EEFSEC: variants seen among roughly 807,000 people sequenced by gnomAD.
The protein encoded by EEFSEC is eukaryotic elongation factor, selenocysteine-tRNA specific.
EEFSEC carries 43 observed loss-of-function variants against 42.1 expected under a neutral mutation model. That is an observed-to-expected ratio of 1.02 (90% CI 0.80 to 1.32). EEFSEC has a LOEUF of 1.32. Ranked by LOEUF, EEFSEC falls within the 40% of genes most tolerant of loss-of-function variation. The probability of loss-of-function intolerance (pLI) is 0.00; values close to 1 mark genes in which losing one functional copy is unlikely to be tolerated. For synonymous variants in EEFSEC, 354 were observed against 339.1 expected (o/e 1.04, Z -0.48); for missense variants, 745 against 803.6 (o/e 0.93, Z 0.88).
At chr3:128,363,514 GC>G (rs1177364157) in intron 6 of EEFSEC, among the ~76,000 whole-genome samples, 1 of 152,188 alleles carries the variant, frequency 6.6e-6, no homozygotes, top group East Asian at 1.9e-4. Flanking sequence ...AGCTCAGTGG[GC>G]CCTTGGACAG....
intron 1 of EEFSEC, among the ~76,000 whole-genome samples, chr3:128,212,457 G>A (rs895232346): frequency 4.6e-5 from 7 of 152,230 alleles, no homozygotes; most frequent in Non-Finnish European, 8.8e-5. Flanking sequence ...GAGGGCTCTT[G>A]TTGGACTCAG....
At chr3:128,371,111 G>GTT (rs147749544) in intron 6 of EEFSEC, among the ~76,000 whole-genome samples, 1 of 150,234 alleles carries the variant, frequency 6.7e-6, no homozygotes, top group African/African-American at 2.4e-5. Context: ...TTTTGGAGCA[G>GTT]TTTTTTTTTT....
chr3:128,207,396 A>G (rs959806954), intron 1 of EEFSEC, among the ~76,000 whole-genome samples: 2 of 152,016 alleles, frequency 1.3e-5, no homozygotes, highest in Non-Finnish European at 2.9e-5. Flanking sequence ...ACTGTGAACT[A>G]TGAAGAGGAG....
chr3:128,371,327 G>A (rs1296742362), intron 6 of EEFSEC, among the ~76,000 whole-genome samples: 1 of 152,068 alleles, frequency 6.6e-6, no homozygotes, highest in Non-Finnish European at 1.5e-5. Context: ...GGTTCCCATC[G>A]ACACTGCTGA....
rs550260641 is a variant in EEFSEC, at chr3:128,256,212, A to G, written c.525-5916A>G. ...TCTTAAAGATTTCCCTAACTTTTTAACCAGGCTCAGTGCCTTCAGCAGGTA... is the reference window on the plus strand; with the variant it reads ...TCTTAAAGATTTCCCTAACTTTTTAGCCAGGCTCAGTGCCTTCAGCAGGTA... On this transcript the variant is annotated intron_variant, in intron 2 of 6. Transcript: ENST00000254730. 5.3e-5 allele frequency among the ~76,000 whole-genome samples: 8 copies of G among 152,286 alleles called. No homozygotes were observed. The South Asian group carries it at 1.4e-3, about 28-fold the overall frequency.
chr3:128,421,459 T>C, the EEFSEC span, among the ~76,000 whole-genome samples: 1 of 151,488 alleles, frequency 6.6e-6, no homozygotes, highest in South Asian at 2.1e-4. Context: ...GAACCGGGAT[T>C]TGGGCTCTGG....
At chr3:128,162,967 G>A (rs778050216) in intron 1 of EEFSEC, among the ~76,000 whole-genome samples, 14 of 151,976 alleles carry the variant, frequency 9.2e-5, no homozygotes, top group African/African-American at 2.2e-4. Flanking sequence ...GTTTTTCTTC[G>A]GAATCATTCC....
At chr3:128,165,498 A>G (rs1429485877) in intron 1 of EEFSEC, among the ~76,000 whole-genome samples, 1 of 152,018 alleles carries the variant, frequency 6.6e-6, no homozygotes, top group Non-Finnish European at 1.5e-5. Context: ...TTGGGTGGGT[A>G]GGGAGGACTT....
At chr3:128,188,229 C>G (rs930405974) in intron 1 of EEFSEC, among the ~76,000 whole-genome samples, 26 of 152,046 alleles carry the variant, frequency 1.7e-4, no homozygotes, top group Non-Finnish European at 3.8e-4. Context: ...GAGACTAGCT[C>G]TAGGTAGAGG....
intron 1 of EEFSEC, among the ~76,000 whole-genome samples, chr3:128,218,053 G>A (rs2065827381): frequency 6.6e-6 from 1 of 152,168 alleles, no homozygotes; most frequent in African/African-American, 2.4e-5. Context: ...AAGACCAAGA[G>A]ACCACAGTGG....
At chr3:128,378,958 A>C (rs1393115881) in intron 6 of EEFSEC, among the ~76,000 whole-genome samples, 2 of 152,204 alleles carry the variant, frequency 1.3e-5, no homozygotes, top group African/African-American at 4.8e-5. Flanking sequence ...GACTCTGGAA[A>C]ACAGCTTGGT....
intron 4 of EEFSEC, among the ~76,000 whole-genome samples, chr3:128,330,613 G>T (rs990805255): frequency 3.3e-5 from 5 of 152,096 alleles, no homozygotes; most frequent in Non-Finnish European, 7.4e-5. Flanking sequence ...AGGAGAGCTG[G>T]GCAGGGCAGC....
At chr3:128,256,124 T>C (rs2066239442) in intron 2 of EEFSEC, among the ~76,000 whole-genome samples, 1 of 152,226 alleles carries the variant, frequency 6.6e-6, no homozygotes, top group African/African-American at 2.4e-5. Flanking sequence ...GTTAACCTTC[T>C]TCAGTTATCT....
chr3:128,261,265 T>G (rs975967676), intron 2 of EEFSEC, among the ~76,000 whole-genome samples: 4 of 152,330 alleles, frequency 2.6e-5, no homozygotes, highest in Non-Finnish European at 5.9e-5. Context: ...AGCCTCATTT[T>G]CTCATCTATA....
At chr3:128,348,407 CTT>C (rs1330019865) in intron 5 of EEFSEC, among the ~76,000 whole-genome samples, 2 of 151,998 alleles carry the variant, frequency 1.3e-5, no homozygotes, top group African/African-American at 4.8e-5. Flanking sequence ...AAATTTTTCT[CTT>C]TTTCAGTGTT....
intron 4 of EEFSEC, among the ~76,000 whole-genome samples, chr3:128,331,907 G>C (rs1035166717): frequency 1.3e-5 from 2 of 152,080 alleles, no homozygotes; most frequent in Admixed American, 1.3e-4. Flanking sequence ...AACTGAAACT[G>C]TGTCCCACAA....
intron 6 of EEFSEC, among the ~76,000 whole-genome samples, chr3:128,383,237 C>G (rs1320961314): frequency 6.6e-6 from 1 of 152,222 alleles, no homozygotes; most frequent in African/African-American, 2.4e-5. Context: ...TGGTTACAAG[C>G]CTGTCCCCGT....
intron 1 of EEFSEC, among the ~76,000 whole-genome samples, chr3:128,187,513 A>G (rs2065477573): frequency 6.6e-6 from 1 of 152,218 alleles, no homozygotes; most frequent in Admixed American, 6.5e-5. Context: ...TCATCAATGA[A>G]TGTGTTCACT....
intron 1 of EEFSEC, among the ~76,000 whole-genome samples, chr3:128,196,049 A>G (rs2065581630): frequency 6.6e-6 from 1 of 152,272 alleles, no homozygotes; most frequent in South Asian, 2.1e-4. Flanking sequence ...TGTGTGGGTC[A>G]GTGCTGTAGC....
Sources: gnomAD v4.1 joint callset for allele counts (sites outside exome capture counted in the v4.1 genomes callset) on GRCh38, gnomAD v4.1.1 for gene constraint, MANE v1.5 for transcripts, NCBI Gene and HGNC (gene_info 2026-07-23, HGNC 2026-07-21) for gene names.